Variants in DOCK9 observed in about 807,000 individuals in gnomAD.
DOCK9 encodes the protein dedicator of cytokinesis 9, also known as dedicator of cytokinesis protein 9.
Under a neutral mutation model 263.3 loss-of-function variants are expected in DOCK9, and 89 were observed. The ratio of observed to expected loss-of-function variants is 0.34; its 90% confidence interval spans 0.28 to 0.40. The LOEUF (loss-of-function observed/expected upper bound fraction) is 0.40. Among genes scored for constraint, DOCK9 ranks in the 10% least tolerant of loss-of-function variants. The probability of loss-of-function intolerance (pLI) is 1.00; values close to 1 mark genes in which losing one functional copy is unlikely to be tolerated. For missense variants in DOCK9, 2,140 were observed against 2,603.4 expected (o/e 0.82, Z 3.87); for synonymous variants, 976 against 973.1 (o/e 1.00, Z -0.06).
intron 2 of DOCK9, among the ~76,000 whole-genome samples, chr13:98,955,002 A>T (rs529411364): frequency 6.6e-6 from 1 of 152,300 alleles, no homozygotes; most frequent in East Asian, 1.9e-4. Context: ...TTCTTAAATA[A>T]CATCTTATTT....
chr13:98,936,988 T>C (rs984900766), intron 2 of DOCK9, among the ~76,000 whole-genome samples: 1 of 152,240 alleles, frequency 6.6e-6, no homozygotes, highest in Non-Finnish European at 1.5e-5. Flanking sequence ...TAAGTCAAGT[T>C]TTCTTTTTCA....
At chr13:98,882,138 G>T in intron 23 of DOCK9, 131 bp from the exon 24 acceptor site, 1 of 732,798 alleles carries the variant, frequency 1.4e-6, no homozygotes, top group Non-Finnish European at 2.3e-6. Context: ...TGGGCAGAAT[G>T]TCCCCAGAGG....
chr13:99,068,092 G>A (rs1256076907), intron 1 of DOCK9, among the ~76,000 whole-genome samples: 1 of 152,030 alleles, frequency 6.6e-6, no homozygotes, highest in East Asian at 1.9e-4. Context: ...ACCAGGATAT[G>A]GAATCACCAA....
intron 48 of DOCK9, among the ~76,000 whole-genome samples, 158 bp from the exon 49 acceptor site, chr13:98,805,367 C>T (rs1429151852): frequency 6.6e-6 from 1 of 152,194 alleles, no homozygotes; most frequent in Non-Finnish European, 1.5e-5. Context: ...CAACTGCTAG[C>T]AGTTTGCTAT....
In DOCK9 at chr13:98,935,744, G is replaced by C. The variant is rs34405129; in HGVS notation, c.244-5487C>G. ...GACCACGCCACTGCACTCCAGACTGGGTGACAGAATGAGAGCCTGTCTCAA... is the reference window on the plus strand; with the variant it reads ...GACCACGCCACTGCACTCCAGACTGCGTGACAGAATGAGAGCCTGTCTCAA... On this transcript the variant is annotated intron_variant, in intron 2 of 52. Coordinates refer to ENST00000682017, the MANE Select transcript of DOCK9 (RefSeq NM_001366683.2). 5.0e-3 allele frequency among the ~76,000 whole-genome samples: 757 copies of C among 152,206 alleles called. 3 individuals are homozygous for C. Among genetic ancestry groups the C allele is most frequent in the Non-Finnish European group, 8.1e-3 (550 of 68,020 alleles).
chr13:98,940,443 G>A (rs1323784290), intron 2 of DOCK9, among the ~76,000 whole-genome samples: 1 of 152,120 alleles, frequency 6.6e-6, no homozygotes, highest in Non-Finnish European at 1.5e-5. Context: ...CTGTTGCCTA[G>A]GCTGGAGTGC....
intron 1 of DOCK9, among the ~76,000 whole-genome samples, chr13:99,051,166 G>A (rs1191724446): frequency 2.0e-5 from 3 of 152,192 alleles, no homozygotes; most frequent in Non-Finnish European, 1.5e-5. Flanking sequence ...GGAAGGGGAG[G>A]TAATAGTGGC....
At chr13:98,938,734 A>C (rs2055315702) in intron 2 of DOCK9, among the ~76,000 whole-genome samples, 1 of 152,178 alleles carries the variant, frequency 6.6e-6, no homozygotes, top group African/African-American at 2.4e-5. Context: ...TTACTTTACA[A>C]TGGGCTTAAA....
intron 1 of DOCK9, among the ~76,000 whole-genome samples, chr13:99,074,304 T>C (rs745470344): frequency 7.9e-5 from 12 of 152,270 alleles, no homozygotes; most frequent in Non-Finnish European, 1.8e-4. Context: ...CTCTGTTTCC[T>C]AGGAGCGCTT....
At chr13:99,034,741 T>C (rs1887688891) in intron 1 of DOCK9, among the ~76,000 whole-genome samples, 1 of 152,128 alleles carries the variant, frequency 6.6e-6, no homozygotes, top group African/African-American at 2.4e-5. Flanking sequence ...TTTAAAAAGG[T>C]AACAAAAATG....
chr13:98,812,051 A>T (rs1224607715), intron 45 of DOCK9, among the ~76,000 whole-genome samples: 4 of 151,648 alleles, frequency 2.6e-5, no homozygotes, highest in Admixed American at 2.6e-4. Flanking sequence ...AACTGATCAT[A>T]AGTGTGTGGG....
At chr13:98,925,750 C>A in intron 4 of DOCK9, 87 bp downstream of exon 4, 1 of 862,184 alleles carries the variant, frequency 1.2e-6, no homozygotes, top group Non-Finnish European at 1.7e-6. Flanking sequence ...TCCTCAATTA[C>A]TCTGATTGCA....
intron 9 of DOCK9, among the ~76,000 whole-genome samples, chr13:98,908,634 T>G (rs1404304743): frequency 6.6e-6 from 1 of 152,152 alleles, no homozygotes; most frequent in Non-Finnish European, 1.5e-5. Context: ...GAATAATGTA[T>G]ATATCATGAA....
intron 2 of DOCK9, among the ~76,000 whole-genome samples, chr13:98,941,779 T>A (rs530419596): frequency 4.4e-4 from 67 of 152,114 alleles, no homozygotes; most frequent in Non-Finnish European, 7.5e-4. Context: ...AAAAACAGCC[T>A]CCTCAAAAAT....
intron 34 of DOCK9, 109 bp downstream of exon 34, chr13:98,855,789 G>GA (rs2093693006): frequency 8.5e-6 from 12 of 1,411,002 alleles, no homozygotes; most frequent in Non-Finnish European, 9.7e-6. Flanking sequence ...GGGTGGTTTA[G>GA]AAAAAAACAA....
At chr13:98,799,249 C>G (rs1335763870) in intron 50 of DOCK9, among the ~76,000 whole-genome samples, 2 of 151,888 alleles carry the variant, frequency 1.3e-5, no homozygotes, top group African/African-American at 4.8e-5. Context: ...GAAAATGAAC[C>G]AAAAAAACCA....
intron 2 of DOCK9, among the ~76,000 whole-genome samples, chr13:98,938,735 T>C (rs1003522672): frequency 1.3e-5 from 2 of 152,214 alleles, no homozygotes; most frequent in African/African-American, 2.4e-5. Flanking sequence ...TACTTTACAA[T>C]GGGCTTAAAC....
chr13:99,010,571 G>A (rs754702065), intron 1 of DOCK9, among the ~76,000 whole-genome samples: 30 of 151,034 alleles, frequency 2.0e-4, no homozygotes, highest in Non-Finnish European at 3.7e-4. Context: ...CAATTAATCC[G>A]AAAAGGGGAA....
chr13:99,002,822 C>A (rs1567194274), intron 1 of DOCK9, among the ~76,000 whole-genome samples: 1 of 152,178 alleles, frequency 6.6e-6, no homozygotes, highest in East Asian at 1.9e-4. Flanking sequence ...AGGTTTGAAT[C>A]CTGGCCCGTC....
Sources: gnomAD v4.1 joint callset for allele counts (sites outside exome capture counted in the v4.1 genomes callset) on GRCh38, gnomAD v4.1.1 for gene constraint, MANE v1.5 for transcripts, NCBI Gene and HGNC (gene_info 2026-07-23, HGNC 2026-07-21) for gene names.